DIAPH2: variants seen among roughly 807,000 people sequenced by gnomAD.
DIAPH2 encodes the protein diaphanous related formin 2, also known as protein diaphanous homolog 2.
DIAPH2 carries 35 observed loss-of-function variants against 92.7 expected under a neutral mutation model. That is an observed-to-expected ratio of 0.38 (90% CI 0.29 to 0.50). The LOEUF (loss-of-function observed/expected upper bound fraction) is 0.50. Ranked by LOEUF, DIAPH2 falls within the 20% of genes least tolerant of loss-of-function variation. DIAPH2 has a pLI of 0.94. For synonymous variants in DIAPH2, 301 were observed against 280.4 expected, an observed-to-expected ratio of 1.07 and a Z score of -0.73; for missense variants, 701 against 819.5, an observed-to-expected ratio of 0.86 and a Z score of 1.77.
intron 4 of DIAPH2, among the ~76,000 whole-genome samples, chrX:96,815,406 G>A (rs1024337112): frequency 4.5e-5 from 5 of 111,545 alleles, no homozygotes; most frequent in African/African-American, 1.6e-4. Context: ...GGGCCAGAGT[G>A]TCCCGTTTTT....
chrX:97,043,834 A>G (rs767140883), intron 17 of DIAPH2, among the ~76,000 whole-genome samples: 3 of 112,467 alleles, frequency 2.7e-5, no homozygotes, highest in East Asian at 2.8e-4. Context: ...GGTTTTGTAA[A>G]TACAACTTGC....
intron 20 of DIAPH2, among the ~76,000 whole-genome samples, chrX:97,112,765 CTTTTTTTTTTTTTTT>C (rs60721723): frequency 4.0e-4 from 15 of 37,236 alleles, no homozygotes; most frequent in African/African-American, 6.1e-4. Context: ...CCCTTTCTTT[CTTTTTTTTTTTTTTT>C]TTTTTTTTTT....
chrX:97,404,797 T>G (rs763968794), intron 25 of DIAPH2, among the ~76,000 whole-genome samples: 3 of 112,237 alleles, frequency 2.7e-5, no homozygotes, highest in Admixed American at 9.4e-5. Flanking sequence ...ACAAAGAGCA[T>G]GAAAAAATGT....
intron 22 of DIAPH2, among the ~76,000 whole-genome samples, chrX:97,165,959 C>T (rs780433718): frequency 9.0e-6 from 1 of 111,008 alleles, no homozygotes; most frequent in Admixed American, 9.7e-5. Context: ...ATTCGTCTTA[C>T]AGAATATTAA....
chrX:96,808,132 AC>A (rs2064644425), intron 4 of DIAPH2, among the ~76,000 whole-genome samples: 1 of 109,098 alleles, frequency 9.2e-6, no homozygotes, highest in African/African-American at 3.3e-5. Context: ...CCACTCTACC[AC>A]TGCAGTTCCT....
chrX:97,129,683 C>T (rs1457167935), intron 21 of DIAPH2, among the ~76,000 whole-genome samples: 1 of 110,837 alleles, frequency 9.0e-6, no homozygotes, highest in Non-Finnish European at 1.9e-5. Context: ...CAATTTGGTA[C>T]TATCAAGAAA....
chrX:96,786,503 C>T (rs374286858), intron 4 of DIAPH2, among the ~76,000 whole-genome samples: 3 of 112,124 alleles, frequency 2.7e-5, no homozygotes, highest in East Asian at 5.6e-4. Context: ...GCGGAGATAA[C>T]AGATGTATTT....
rs186350824 is a variant in DIAPH2 at position 97,008,842 on chromosome X, C to T, written c.2050+43635C>T. ...AGGGGTGATGTAAATGCTCCTGTGGCGACCACCACTGGGACTGCGCTGGGT... is the reference window on the plus strand; with the variant it reads ...AGGGGTGATGTAAATGCTCCTGTGGTGACCACCACTGGGACTGCGCTGGGT... On this transcript the variant is annotated intron_variant, in intron 17 of 26. Transcript: ENST00000324765. Among the ~76,000 whole-genome samples, 392 of 111,466 alleles carry T rather than the reference C, an allele frequency of 3.5e-3. 1 individual carries two copies. Among genetic ancestry groups the T allele is most frequent in the African/African-American group, 0.012 (378 of 30,677 alleles).
intron 4 of DIAPH2, among the ~76,000 whole-genome samples, chrX:96,797,929 CTCTCTGTATCTGCA>C (rs1388730126): frequency 8.9e-6 from 1 of 112,672 alleles, no homozygotes; most frequent in African/African-American, 3.2e-5. Context: ...TTATAGTCAG[CTCTCTGTATCTGCA>C]TCTGTGGGGT....
At chrX:97,412,064 C>A (rs1349601487) in intron 25 of DIAPH2, among the ~76,000 whole-genome samples, 2 of 111,995 alleles carry the variant, frequency 1.8e-5, no homozygotes, top group African/African-American at 6.5e-5. Flanking sequence ...TAATAGACAT[C>A]TACAGTACTC....
chrX:97,243,233 A>ATT (rs34420874), intron 22 of DIAPH2, among the ~76,000 whole-genome samples: 4 of 95,192 alleles, frequency 4.2e-5, no homozygotes, highest in Non-Finnish European at 6.3e-5. Context: ...AACAACCAGC[A>ATT]TTTTTTTTTT....
intron 21 of DIAPH2, among the ~76,000 whole-genome samples, chrX:97,140,836 A>G (rs971177353): frequency 1.8e-5 from 2 of 111,868 alleles, no homozygotes; most frequent in South Asian, 3.7e-4. Flanking sequence ...CCAAATCAGT[A>G]TGAACATCAG....
At chrX:97,055,939 C>T (rs948986882) in intron 17 of DIAPH2, among the ~76,000 whole-genome samples, 1 of 111,797 alleles carries the variant, frequency 8.9e-6, no homozygotes, top group Admixed American at 9.5e-5. Context: ...CAAGGTCACT[C>T]CTATCTGTTG....
chrX:97,456,221 C>T lies in DIAPH2; in HGVS notation c.3241+26476C>T, dbSNP rs759685805. On this transcript the variant is annotated intron_variant, in intron 26 of 26. Coordinates refer to ENST00000324765, the MANE Select transcript of DIAPH2 (RefSeq NM_006729.5). ...CTAACACGGTGAAACCCCGTCTCTA[C>T]TAAAAAATACAAAAAATTAGCCGGG... Among the ~76,000 whole-genome samples, 15 of 110,810 alleles carry T rather than the reference C, an allele frequency of 1.4e-4. No individual in the cohort carries two copies. In the East Asian group the frequency reaches 4.3e-3, roughly 32 times the overall value.
chrX:96,735,179 T>A (rs1425342122), intron 1 of DIAPH2, among the ~76,000 whole-genome samples: 1 of 111,818 alleles, frequency 8.9e-6, no homozygotes, highest in East Asian at 2.8e-4. Context: ...TATGTTCAAA[T>A]AAGTTCAATT....
At chrX:97,245,893 T>C (rs2068137635) in intron 22 of DIAPH2, among the ~76,000 whole-genome samples, 1 of 109,721 alleles carries the variant, frequency 9.1e-6, no homozygotes, top group Non-Finnish European at 1.9e-5. Context: ...TGGTCAATGT[T>C]TTGTCTTCAC....
intron 4 of DIAPH2, among the ~76,000 whole-genome samples, chrX:96,815,306 G>C (rs2064723490): frequency 8.9e-6 from 1 of 111,849 alleles, no homozygotes; most frequent in Non-Finnish European, 1.9e-5. Flanking sequence ...AGTGAGCAAG[G>C]CTCCATGGAC....
At chrX:97,143,223 A>G (rs967178935) in intron 22 of DIAPH2, among the ~76,000 whole-genome samples, 1 of 111,418 alleles carries the variant, frequency 9.0e-6, no homozygotes, top group Admixed American at 9.6e-5. Context: ...GACTAGAAGC[A>G]TATTTACTAA....
chrX:96,711,670 A>G (rs1375034468), intron 1 of DIAPH2, among the ~76,000 whole-genome samples: 3 of 111,497 alleles, frequency 2.7e-5, no homozygotes, highest in Non-Finnish European at 5.7e-5. Flanking sequence ...TTGAATGCCT[A>G]TGTGTTATCC....
Sources: gnomAD v4.1 joint callset for allele counts (sites outside exome capture counted in the v4.1 genomes callset) on GRCh38, gnomAD v4.1.1 for gene constraint, MANE v1.5 for transcripts, NCBI Gene and HGNC (gene_info 2026-07-23, HGNC 2026-07-21) for gene names.